Variants in ARHGAP36 observed in about 807,000 individuals in gnomAD.
The protein encoded by ARHGAP36 is rho GTPase-activating protein 36.
ARHGAP36 carries 7 observed loss-of-function variants against 32.9 expected under a neutral mutation model. That is an observed-to-expected ratio of 0.21 (90% CI 0.12 to 0.40). The LOEUF is 0.40. Among genes scored for constraint, ARHGAP36 ranks in the 10% least tolerant of loss-of-function variants. ARHGAP36 has a pLI of 1.00. For synonymous variants in ARHGAP36, 165 were observed against 168.3 expected (o/e 0.98, Z 0.15); for missense variants, 383 against 442.2 (o/e 0.87, Z 1.20).
chrX:131,062,454 T>G (rs2079674869), intron 1 of ARHGAP36, among the ~76,000 whole-genome samples: 1 of 111,509 alleles, frequency 9.0e-6, no homozygotes, highest in African/African-American at 3.3e-5. Context: ...TTAGTTTAAA[T>G]GTAATGACTA....
chrX:131,072,902 A>C (rs894760222), intron 1 of ARHGAP36: 3 of 112,303 alleles, frequency 2.7e-5, no homozygotes, highest in Admixed American at 9.4e-5. Flanking sequence ...AGGCAGAGCC[A>C]AGCGCTGGCA....
intron 1 of ARHGAP36, 84 bp from the exon 2 acceptor site, chrX:131,081,440 T>C (rs770074291): frequency 5.8e-5 from 45 of 769,985 alleles, no homozygotes; most frequent in Middle Eastern, 5.3e-4. Context: ...CTTTGTACTT[T>C]TTTTTTCTAA....
In ARHGAP36 at chrX:131,088,656, C is replaced by T. The variant is rs375497123; in HGVS notation, c.1515C>T (p.Ser505=). The T allele has an allele frequency of 1.8e-5, 22 of 1,208,913 alleles. No homozygotes were observed. Among genetic ancestry groups the T allele is most frequent in the African/African-American group, 1.6e-4 (9 of 57,242 alleles). ...CCTCTGAGGAGCCAGCTGTGCCTTC[C>T]GGCACTGCCCGTTCCCATGACGATG... ...EGSSEEPAVP[S]GTARSHDDEE... The change falls in exon 12 of 12, where the codon TCC becomes TCT. Residue 505 remains serine, a synonymous_variant. Coordinates refer to ENST00000276211, the MANE Select transcript of ARHGAP36 (RefSeq NM_144967.4).
At chrX:131,086,207 G>C in intron 9 of ARHGAP36, 118 bp downstream of exon 9, 1 of 1,107,572 alleles carries the variant, frequency 9.0e-7, no homozygotes, top group Non-Finnish European at 1.2e-6. Flanking sequence ...AGATCGTCCA[G>C]TCTAGAAATT....
intron 1 of ARHGAP36, among the ~76,000 whole-genome samples, chrX:131,073,468 C>G (rs1360599979): frequency 8.9e-6 from 1 of 112,120 alleles, no homozygotes; most frequent in African/African-American, 3.2e-5. Flanking sequence ...GACGGGTGCT[C>G]GGGCGGAGGG....
chrX:131,066,556 G>A, intron 1 of ARHGAP36, among the ~76,000 whole-genome samples: 1 of 112,239 alleles, frequency 8.9e-6, no homozygotes, highest in East Asian at 2.8e-4. Context: ...GGGAGACAAA[G>A]ACAGTAATTA....
At chrX:131,075,918 A>G (rs1002584482) in intron 1 of ARHGAP36, among the ~76,000 whole-genome samples, 1 of 111,490 alleles carries the variant, frequency 9.0e-6, no homozygotes, top group African/African-American at 3.3e-5. Flanking sequence ...GCAACTTTAG[A>G]TAAGTCACAG....
Position 131,088,645 on chromosome X carries a change from G to A in ARHGAP36, c.1504G>A (p.Ala502Thr). 2 of 1,210,603 alleles carry A rather than the reference G, an allele frequency of 1.7e-6. No homozygotes were observed. The highest frequency in any genetic ancestry group is 2.2e-6 in the Non-Finnish European group (2 of 895,174). Residue 502 changes from alanine to threonine, a missense_variant, in exon 12 of 12, where the codon GCT becomes ACT. Ala to Thr is a moderately conservative substitution (Grantham distance 58). Coordinates refer to ENST00000276211, the MANE Select transcript of ARHGAP36 (RefSeq NM_144967.4). ...TTTTTCAGGTTCCTCTGAGGAGCCA[G>A]CTGTGCCTTCCGGCACTGCCCGTTC... ...PSDEGSSEEPAVPSGTARSHD... is the reference protein window; with the variant it reads ...PSDEGSSEEPTVPSGTARSHD...
At chrX:131,078,699 T>C in intron 1 of ARHGAP36, 1 of 977,176 alleles carries the variant, frequency 1.0e-6, no homozygotes. Context: ...ACATTGGTCT[T>C]CCTAAATCTG....
chrX:131,081,049 CT>C (rs1478442554), intron 1 of ARHGAP36, among the ~76,000 whole-genome samples: 1 of 111,421 alleles, frequency 9.0e-6, no homozygotes, highest in African/African-American at 3.3e-5. Flanking sequence ...GCTGGGCTAG[CT>C]TTTTTTCCCT....
intron 1 of ARHGAP36, 104 bp from the exon 2 acceptor site, chrX:131,081,420 T>G: frequency 3.2e-6 from 2 of 618,999 alleles, no homozygotes; most frequent in Non-Finnish European, 4.3e-6. Context: ...TTTTTCTTCT[T>G]ATTTTCTCTC....
Position 131,086,587 on chromosome X carries a change from G to A in ARHGAP36, c.1408G>A (p.Ala470Thr). The change falls in exon 11 of 12, where the codon GCA (alanine) becomes ACA (threonine). Residue 470 changes from alanine to threonine, a missense_variant. Physicochemically the swap from Ala to Thr is moderately conservative, Grantham distance 58. This residue lies in a region of ARHGAP36 where 227 missense variants were observed against 311.3 expected (regional missense o/e 0.73). Transcript: ENST00000276211. The stretch of plus-strand genomic sequence containing the variant: ...TGCACGCATAAAGATGGAAGAGGAT[G>A]CACTACTTTCTGATCCAGTGGAAAC... ...QSARIKMEED[A>T]LLSDPVETSA... is the part of the protein sequence containing the mutation. 1 of 1,211,994 alleles carries A rather than the reference G, an allele frequency of 8.3e-7. No homozygotes were observed.
intron 1 of ARHGAP36, among the ~76,000 whole-genome samples, chrX:131,061,122 G>A (rs1021240592): frequency 7.3e-5 from 8 of 109,247 alleles, no homozygotes; most frequent in Non-Finnish European, 1.9e-5. Context: ...GCTGGCATGT[G>A]ACAGCAATTT....
intron 7 of ARHGAP36, 100 bp downstream of exon 7, chrX:131,085,164 T>A: frequency 1.2e-6 from 1 of 853,866 alleles, no homozygotes; most frequent in Non-Finnish European, 1.6e-6. Flanking sequence ...TTTGAAGAAC[T>A]AAGGCAAAAT....
intron 1 of ARHGAP36, among the ~76,000 whole-genome samples, chrX:131,059,517 T>C (rs1330110898): frequency 9.0e-6 from 1 of 111,219 alleles, no homozygotes; most frequent in Non-Finnish European, 1.9e-5. Context: ...AGGAGGGGCC[T>C]CAGCAACTTA....
chrX:131,088,925 G>A lies in ARHGAP36; in HGVS notation c.*140G>A. On this transcript the variant is annotated 3_prime_UTR_variant, in exon 12 of 12. Transcript: ENST00000276211. ...TTCCACCTGATGCTCGGGTCAGGATGAGAATTCCAAACACACTGCCAGCCC... is the reference window on the plus strand; with the variant it reads ...TTCCACCTGATGCTCGGGTCAGGATAAGAATTCCAAACACACTGCCAGCCC... 1.1e-6 allele frequency: 1 copy of A among 888,588 alleles called. No individual in the cohort carries two copies. Among genetic ancestry groups the A allele is most frequent in the African/African-American group, 2.0e-5 (1 of 50,153 alleles). The allele number at this position is 888,588 out of a possible 1,213,427, so 73.2% of individuals were successfully genotyped here. A position where few individuals can be genotyped will look rare whatever the true frequency, so the allele number is the denominator to read the frequency against.
chrX:131,087,749 A>T (rs2079842827), intron 11 of ARHGAP36, among the ~76,000 whole-genome samples: 1 of 111,937 alleles, frequency 8.9e-6, no homozygotes, highest in Non-Finnish European at 1.9e-5. Flanking sequence ...AGCCTCAGAT[A>T]TTGAAGAAAT....
intron 4 of ARHGAP36, 107 bp from the exon 5 acceptor site, chrX:131,084,108 C>T: frequency 3.8e-6 from 4 of 1,047,183 alleles, no homozygotes; most frequent in Non-Finnish European, 5.2e-6. Flanking sequence ...CTTGGCTTGC[C>T]ACAAAGGGAA....
chrX:131,068,936 C>G (rs5932832), intron 1 of ARHGAP36, among the ~76,000 whole-genome samples: 1 of 111,908 alleles, frequency 8.9e-6, no homozygotes, highest in Non-Finnish European at 1.9e-5. Context: ...TCCCCCCTCC[C>G]GCTTATGTCA....
Sources: gnomAD v4.1 joint callset for allele counts (sites outside exome capture counted in the v4.1 genomes callset) on GRCh38, gnomAD v4.1.1 for gene constraint, gnomAD v4.1.1 regional missense constraint, MANE v1.5 for transcripts, NCBI Gene and HGNC (gene_info 2026-07-23, HGNC 2026-07-21) for gene names.